The following NRXN3 variants were observed in gnomAD, a reference collection of about 807,000 sequenced individuals.
NRXN3 encodes the protein neurexin 3.
A neutral mutation model predicts 137.6 loss-of-function variants in NRXN3; 32 were observed. That is an observed-to-expected ratio of 0.23 (90% CI 0.18 to 0.31). The LOEUF (loss-of-function observed/expected upper bound fraction) is 0.31. Among genes scored for constraint, NRXN3 ranks in the 10% least tolerant of loss-of-function variants. The pLI is 1.00. For missense variants in NRXN3, 1,574 were observed against 2,062.5 expected (o/e 0.76, Z 4.59); for synonymous variants, 798 against 784.5 (o/e 1.02, Z -0.29).
chr14:78,924,493 C>G (rs1597433907), intron 10 of NRXN3, among the ~76,000 whole-genome samples: 1 of 152,208 alleles, frequency 6.6e-6, no homozygotes, highest in East Asian at 1.9e-4. Context: ...TACTACAGAG[C>G]CTCAGGATTT....
At chr14:79,314,932 G>C (rs1338678648) in intron 15 of NRXN3, among the ~76,000 whole-genome samples, 1 of 152,122 alleles carries the variant, frequency 6.6e-6, no homozygotes, top group African/African-American at 2.4e-5. Flanking sequence ...CATCATCAAA[G>C]ACCAAAAGTA....
intron 16 of NRXN3, among the ~76,000 whole-genome samples, chr14:79,504,272 A>G (rs2096851811): frequency 6.6e-6 from 1 of 152,136 alleles, no homozygotes; most frequent in Non-Finnish European, 1.5e-5. Context: ...TTTTTGAGAC[A>G]GATTGTTATT....
intron 15 of NRXN3, among the ~76,000 whole-genome samples, chr14:79,092,536 T>A (rs1324302132): frequency 6.6e-6 from 1 of 152,106 alleles, no homozygotes; most frequent in Non-Finnish European, 1.5e-5. Flanking sequence ...TAATAAATGG[T>A]GTATACAGTC....
In NRXN3 at chr14:78,645,178, T is replaced by G; in HGVS notation, c.816T>G (p.Ser272=). The change falls in exon 5 of 21, where the codon TCT becomes TCG. Residue 272 remains serine, a synonymous_variant. Transcript: ENST00000335750. ...RGSEYLCYDL[S]QNPIQSSSDE... The stretch of plus-strand genomic sequence containing the variant: ...CAGAGTATCTGTGCTACGACCTGTC[T>G]CAGAACCCGATCCAGAGCAGCAGTG... 6.3e-7 allele frequency: 1 copy of G among 1,593,880 alleles called. No homozygotes were observed. The highest frequency in any genetic ancestry group is 8.5e-7 in the Non-Finnish European group (1 of 1,177,584).
intron 1 of NRXN3, among the ~76,000 whole-genome samples, chr14:78,198,313 C>G (rs963096316): frequency 4.6e-5 from 7 of 152,288 alleles, no homozygotes; most frequent in Admixed American, 4.6e-4. Flanking sequence ...ATAGCCATGG[C>G]TTATTATGGC....
chr14:79,755,188 T>C (rs773248704), intron 19 of NRXN3, among the ~76,000 whole-genome samples: 59 of 152,132 alleles, frequency 3.9e-4, no homozygotes, highest in Non-Finnish European at 1.6e-4. Context: ...CCTATACATA[T>C]CCTCTCACGT....
chr14:79,278,805 A>G (rs1279495227), intron 15 of NRXN3, among the ~76,000 whole-genome samples: 1 of 152,020 alleles, frequency 6.6e-6, no homozygotes, highest in Non-Finnish European at 1.5e-5. Context: ...TCAGATTCCC[A>G]TCATTCGCCC....
At chr14:79,272,222 T>TG (rs2079454047) in intron 15 of NRXN3, among the ~76,000 whole-genome samples, 1 of 151,528 alleles carries the variant, frequency 6.6e-6, no homozygotes. Flanking sequence ...TTAGGTTTTT[T>TG]TTTTTTTTTT....
intron 15 of NRXN3, among the ~76,000 whole-genome samples, chr14:79,017,374 T>C (rs979183141): frequency 2.6e-5 from 4 of 151,868 alleles, no homozygotes; most frequent in Admixed American, 6.6e-5. Flanking sequence ...ATAAGAATTA[T>C]CCTGCCTCAT....
intron 19 of NRXN3, among the ~76,000 whole-genome samples, chr14:79,749,434 T>C (rs1269556464): frequency 9.8e-6 from 1 of 102,524 alleles, no homozygotes; most frequent in Non-Finnish European, 2.3e-5. Context: ...AGCTTCAGTG[T>C]TGTTTTTTTT....
intron 16 of NRXN3, among the ~76,000 whole-genome samples, chr14:79,537,324 G>A (rs1430881715): frequency 6.6e-6 from 1 of 151,728 alleles, no homozygotes; most frequent in Admixed American, 6.6e-5. Flanking sequence ...AAGCTTTAGG[G>A]TACATGTGCC....
chr14:78,957,179 C>A (rs1212870448), intron 10 of NRXN3, 63 bp from the exon 11 acceptor site: 1 of 1,586,630 alleles, frequency 6.3e-7, no homozygotes, highest in South Asian at 1.1e-5. Flanking sequence ...GTTTTGACAA[C>A]CCTGATGCAT....
chr14:79,586,212 T>G (rs1602494338), intron 16 of NRXN3, among the ~76,000 whole-genome samples: 2 of 152,372 alleles, frequency 1.3e-5, no homozygotes, highest in Admixed American at 1.3e-4. Flanking sequence ...TTTGAACAAA[T>G]GTATTATAAC....
rs570124896 is a variant in NRXN3 at position 79,842,232 on chromosome 14, A to G, written c.4094-19110A>G. ...GTGGGGGAGGACTAAATGTAAATAC[A>G]TGGGCAAAAGTCAGCTAATAAATAC... On this transcript the variant is annotated intron_variant, in intron 20 of 20. Transcript: ENST00000335750. 7.5e-4 allele frequency among the ~76,000 whole-genome samples: 114 copies of G among 152,324 alleles called. 1 individual carries two copies. Among genetic ancestry groups the G allele is most frequent in the Non-Finnish European group, 1.2e-3 (84 of 68,032 alleles).
intron 4 of NRXN3, among the ~76,000 whole-genome samples, chr14:78,522,836 C>T (rs2096305025): frequency 6.6e-6 from 1 of 152,154 alleles, no homozygotes; most frequent in African/African-American, 2.4e-5. Context: ...TAGCAGGCAT[C>T]CTTCTCATTA....
At chr14:79,155,862 A>G (rs942407161) in intron 15 of NRXN3, among the ~76,000 whole-genome samples, 3 of 151,846 alleles carry the variant, frequency 2.0e-5, no homozygotes, top group Admixed American at 6.6e-5. Context: ...TTATGACTTC[A>G]AATCATTTAA....
chr14:79,037,552 T>C lies in NRXN3; in HGVS notation c.3262+49411T>C, dbSNP rs1184421462. ...TTGTCCTGCAAAGGCATTTTAATTC[T>C]AAAGAAAAAGGAGATTAGTGGCCTC... On this transcript the variant is annotated intron_variant, in intron 15 of 20. Transcript: ENST00000335750. Among the ~76,000 whole-genome samples, 3 of 152,138 alleles carry C rather than the reference T, an allele frequency of 2.0e-5. No individual in the cohort carries two copies. The East Asian group carries it at 5.8e-4, about 29-fold the overall frequency.
intron 15 of NRXN3, among the ~76,000 whole-genome samples, chr14:79,208,007 T>C (rs1384386036): frequency 2.6e-5 from 4 of 152,166 alleles, no homozygotes; most frequent in Non-Finnish European, 4.4e-5. Context: ...AACTAAGAAG[T>C]TAAGTAACTT....
intron 4 of NRXN3, among the ~76,000 whole-genome samples, chr14:78,519,210 A>G (rs1048410048): frequency 2.6e-5 from 4 of 152,128 alleles, no homozygotes; most frequent in African/African-American, 9.7e-5. Context: ...GTCATTTTGT[A>G]GTTATTAGTA....
Sources: allele counts gnomAD v4.1 joint callset (sites outside exome capture counted in the v4.1 genomes callset), GRCh38; gene constraint gnomAD v4.1.1; transcripts MANE v1.5; gene names NCBI Gene and HGNC (gene_info 2026-07-23, HGNC 2026-07-21).